AIG1: variants seen among roughly 807,000 people sequenced by gnomAD.
The protein encoded by AIG1 is androgen-induced gene 1 protein.
In AIG1, 23 loss-of-function variants were observed where a neutral mutation model predicts 31.4. That is an observed-to-expected ratio of 0.73 (90% CI 0.53 to 1.04). AIG1 has a LOEUF of 1.04. AIG1 is among the 50% of genes least tolerant of loss of function. The pLI is 0.00. For missense variants in AIG1, 274 were observed against 295.0 expected (o/e 0.93, Z 0.52); for synonymous variants, 100 against 110.5 (o/e 0.90, Z 0.60).
intron 1 of AIG1, chr6:143,099,577 T>C (rs1177199739): frequency 6.6e-6 from 1 of 152,200 alleles, no homozygotes; most frequent in East Asian, 1.9e-4. Flanking sequence ...TGTGTTTATA[T>C]CCTCCTCCTT....
At chr6:143,251,810 G>A (rs914012434) in intron 3 of AIG1, among the ~76,000 whole-genome samples, 3 of 151,966 alleles carry the variant, frequency 2.0e-5, no homozygotes, top group Admixed American at 6.5e-5. Flanking sequence ...ACATCTACAC[G>A]CTGGATAAGA....
chr6:143,188,469 C>A, intron 3 of AIG1: 1 of 985,344 alleles, frequency 1.0e-6, no homozygotes, highest in South Asian at 4.7e-5. Flanking sequence ...GTTAGAGTGG[C>A]ACTGGAAGGT....
intron 2 of AIG1, among the ~76,000 whole-genome samples, chr6:143,156,703 C>A (rs1042147044): frequency 3.9e-5 from 6 of 152,214 alleles, no homozygotes; most frequent in African/African-American, 1.4e-4. Context: ...AGGAAGACAG[C>A]ATTGGGCAGA....
At chr6:143,104,318 A>G (rs1043209931) in intron 1 of AIG1, among the ~76,000 whole-genome samples, 8 of 152,198 alleles carry the variant, frequency 5.3e-5, no homozygotes, top group African/African-American at 1.7e-4. Context: ...TCATCCCTTC[A>G]CAGAAGTAAA....
At chr6:143,242,200 A>G (rs1360062033) in intron 3 of AIG1, among the ~76,000 whole-genome samples, 7 of 152,202 alleles carry the variant, frequency 4.6e-5, no homozygotes, top group Non-Finnish European at 1.0e-4. Flanking sequence ...AACGCAGCCA[A>G]ATTTCAGAAA....
At chr6:143,278,635 A>AT (rs1282061249) in intron 3 of AIG1, among the ~76,000 whole-genome samples, 1 of 151,408 alleles carries the variant, frequency 6.6e-6, no homozygotes, top group Non-Finnish European at 1.5e-5. Flanking sequence ...AGCCTGGCTA[A>AT]TTTTTGTTTT....
chr6:143,255,342 G>A (rs1795306695), intron 3 of AIG1, among the ~76,000 whole-genome samples: 1 of 152,190 alleles, frequency 6.6e-6, no homozygotes, highest in African/African-American at 2.4e-5. Context: ...CTGGAGGCTG[G>A]AAGCCCAAGA....
chr6:143,061,095 C>T, intron 1 of AIG1, 29 bp downstream of exon 1: 1 of 1,609,074 alleles, frequency 6.2e-7, no homozygotes, highest in Non-Finnish European at 8.5e-7. Flanking sequence ...CCTGCTCGCC[C>T]CGCACCCCGT....
At chr6:143,300,242 C>T (rs1187316869) in intron 4 of AIG1, among the ~76,000 whole-genome samples, 1 of 152,166 alleles carries the variant, frequency 6.6e-6, no homozygotes, top group Non-Finnish European at 1.5e-5. Context: ...TGAATTTCTG[C>T]ACTTTTAAAA....
intron 4 of AIG1, among the ~76,000 whole-genome samples, chr6:143,285,761 C>G (rs1797642780): frequency 6.6e-6 from 1 of 152,080 alleles, no homozygotes; most frequent in African/African-American, 2.4e-5. Flanking sequence ...AGTTTTTTGC[C>G]TCATCCAAAA....
chr6:143,116,605 A>G (rs1196950643), intron 1 of AIG1, among the ~76,000 whole-genome samples: 2 of 150,956 alleles, frequency 1.3e-5, no homozygotes, highest in Middle Eastern at 3.4e-3. Context: ...GTGGCAGGAG[A>G]GGCCTATTTT....
rs867469549 is a variant in AIG1 at position 143,211,766 on chromosome 6, G to A, written c.399+46583G>A. On this transcript the variant is annotated intron_variant, in intron 3 of 5. Transcript: ENST00000357847. ...AAATTAGCTGGATGTGGTGGCACAC[G>A]CTTGTAAGCCCAGTTATTCGGGAGG... is the stretch of plus-strand genomic sequence containing the variant. Among the ~76,000 whole-genome samples, 9 of 151,984 alleles carry A rather than the reference G, an allele frequency of 5.9e-5. 1 individual carries two copies. The highest frequency in any genetic ancestry group is 1.9e-4 in the East Asian group (1 of 5,180).
chr6:143,170,841 C>T (rs978014687), intron 3 of AIG1, among the ~76,000 whole-genome samples: 1 of 150,626 alleles, frequency 6.6e-6, no homozygotes, highest in African/African-American at 2.4e-5. Flanking sequence ...ATTCATGTAA[C>T]TAGACACCAC....
At chr6:143,269,635 A>G (rs1251335974) in intron 3 of AIG1, among the ~76,000 whole-genome samples, 1 of 152,256 alleles carries the variant, frequency 6.6e-6, no homozygotes, top group African/African-American at 2.4e-5. Context: ...AGTACTATGC[A>G]GCAATGAGAA....
At chr6:143,183,219 C>T (rs1488617126) in intron 3 of AIG1, among the ~76,000 whole-genome samples, 20 of 133,180 alleles carry the variant, frequency 1.5e-4, no homozygotes, top group South Asian at 2.4e-4. Flanking sequence ...TTTTTGGAGA[C>T]GGAGTCTCGC....
chr6:143,061,020 A>G lies in AIG1; in HGVS notation c.95A>G (p.His32Arg). 6.2e-7 allele frequency: 1 copy of G among 1,612,632 alleles called. No individual in the cohort carries two copies. Among genetic ancestry groups the G allele is most frequent in the Non-Finnish European group, 8.5e-7 (1 of 1,179,634 alleles). The stretch of plus-strand genomic sequence containing the variant: ...TACAAGGCCATCGAAATGCCCTCAC[A>G]CCAGACCTACGGAGGGAGCTGGAAA... ...CNYKAIEMPS[H>R]QTYGGSWKFL... The change falls in exon 1 of 6, where the codon CAC (histidine) becomes CGC (arginine). Residue 32 changes from histidine to arginine, a missense_variant. His to Arg is a conservative substitution (Grantham distance 29, BLOSUM62 0). Around this residue, in one of 2 missense-constraint regions of AIG1, gnomAD observed 243 missense variants for 238.5 expected, o/e 1.02. Coordinates refer to ENST00000357847, the MANE Select transcript of AIG1 (RefSeq NM_016108.4).
At chr6:143,149,289 G>A (rs1033747052) in intron 2 of AIG1, among the ~76,000 whole-genome samples, 1 of 152,082 alleles carries the variant, frequency 6.6e-6, no homozygotes, top group Non-Finnish European at 1.5e-5. Context: ...CACTTTGGGA[G>A]GCTGAGGCAG....
intron 1 of AIG1, among the ~76,000 whole-genome samples, chr6:143,133,443 G>A (rs1353009420): frequency 6.6e-6 from 1 of 152,066 alleles, no homozygotes; most frequent in East Asian, 1.9e-4. Flanking sequence ...CTTGTAGTAG[G>A]TAGACTTCTA....
At chr6:143,178,535 T>G (rs774320166) in intron 3 of AIG1, among the ~76,000 whole-genome samples, 7 of 152,234 alleles carry the variant, frequency 4.6e-5, no homozygotes, top group Non-Finnish European at 8.8e-5. Flanking sequence ...GCTGGGGATC[T>G]TCACCTTACC....
Sources: gnomAD v4.1 joint callset for allele counts (sites outside exome capture counted in the v4.1 genomes callset) on GRCh38, gnomAD v4.1.1 for gene constraint, gnomAD v4.1.1 regional missense constraint, MANE v1.5 for transcripts, NCBI Gene and HGNC (gene_info 2026-07-23, HGNC 2026-07-21) for gene names.